The following EIF2A variants were observed in gnomAD, a reference collection of about 807,000 sequenced individuals.
EIF2A encodes eukaryotic translation initiation factor 2A, also known as 65 kDa eukaryotic translation initiation factor 2A.
EIF2A carries 62 observed loss-of-function variants against 75.2 expected under a neutral mutation model. The ratio of observed to expected loss-of-function variants is 0.82; its 90% CI spans 0.67 to 1.02. The LOEUF (loss-of-function observed/expected upper bound fraction) is 1.02. EIF2A is among the 50% of genes least tolerant of loss of function. The probability of loss-of-function intolerance (pLI) is 0.00; values close to 1 mark genes in which losing one functional copy is unlikely to be tolerated. For synonymous variants in EIF2A, 207 were observed against 239.0 expected (o/e 0.87, Z 1.23); for missense variants, 611 against 677.7 (o/e 0.90, Z 1.09).
intron 6 of EIF2A, chr3:150,566,303 C>T (rs979765855): frequency 6.6e-6 from 1 of 152,148 alleles, no homozygotes; most frequent in African/African-American, 2.4e-5. Flanking sequence ...TTTCAGGAAA[C>T]CCTGTCGCCT....
intron 1 of EIF2A, among the ~76,000 whole-genome samples, chr3:150,550,812 A>G (rs556783187): frequency 3.9e-5 from 6 of 152,312 alleles, no homozygotes; most frequent in African/African-American, 1.4e-4. Context: ...GACTACAGGC[A>G]TGTGCCACCG....
At chr3:150,547,861 G>A (rs966449850) in intron 1 of EIF2A, among the ~76,000 whole-genome samples, 1 of 152,040 alleles carries the variant, frequency 6.6e-6, no homozygotes, top group African/African-American at 2.4e-5. Context: ...TAATATACCA[G>A]GCAAAGACTG....
At chr3:150,550,949 C>T (rs1012522989) in intron 1 of EIF2A, among the ~76,000 whole-genome samples, 3 of 152,322 alleles carry the variant, frequency 2.0e-5, no homozygotes, top group African/African-American at 2.4e-5. Flanking sequence ...TGAGCCACCA[C>T]GCCTAGCCTG....
chr3:150,568,190 G>C lies in EIF2A; in HGVS notation c.709G>C (p.Val237Leu). The C allele has an allele frequency of 6.2e-7, 1 of 1,612,598 alleles. No homozygotes were observed. Among genetic ancestry groups the C allele is most frequent in the Non-Finnish European group, 8.5e-7 (1 of 1,179,468 alleles). The change falls in exon 9 of 14, where the codon GTA becomes CTA. Residue 237 changes from valine (V) to leucine (L), a missense_variant. By Grantham distance (32) the Val-to-Leu change is conservative. Coordinates refer to ENST00000460851, the MANE Select transcript of EIF2A (RefSeq NM_032025.5). ...LWNKKATAVL[V>L]IASTDVDKTG... ...TACTGTTATAGCTACTGCTGTGTTG[G>C]TAATAGCTAGCACAGATGTTGACAA...
chr3:150,573,315 C>T (rs1435235395), intron 10 of EIF2A, among the ~76,000 whole-genome samples: 2 of 152,158 alleles, frequency 1.3e-5, no homozygotes, highest in Non-Finnish European at 1.5e-5. Context: ...TGCAGTGGCG[C>T]GATCTCTGCT....
intron 12 of EIF2A, 199 bp from the exon 13 acceptor site, chr3:150,583,001 T>C: frequency 1.9e-6 from 1 of 539,240 alleles, no homozygotes; most frequent in Non-Finnish European, 3.3e-6. Flanking sequence ...AATAATATTT[T>C]GCCAAATCTC....
chr3:150,582,808 T>C (rs149305330), intron 12 of EIF2A, among the ~76,000 whole-genome samples: 137 of 152,162 alleles, frequency 9.0e-4, no homozygotes, highest in African/African-American at 3.0e-3. Flanking sequence ...CATTATGAGG[T>C]TTCTCTTTCA....
At chr3:150,571,366 C>T (rs2107946734) in intron 9 of EIF2A, among the ~76,000 whole-genome samples, 1 of 152,292 alleles carries the variant, frequency 6.6e-6, no homozygotes, top group East Asian at 1.9e-4. Context: ...TCTCAAACTC[C>T]TGACCTCAGG....
chr3:150,581,075 G>C (rs1463393997), intron 11 of EIF2A, among the ~76,000 whole-genome samples: 1 of 152,200 alleles, frequency 6.6e-6, no homozygotes, highest in African/African-American at 2.4e-5. Context: ...AAGTGATTCA[G>C]AATCAGTGAG....
chr3:150,576,429 C>CG, intron 11 of EIF2A, among the ~76,000 whole-genome samples: 1 of 150,364 alleles, frequency 6.7e-6, no homozygotes. Context: ...GACCATGACT[C>CG]GAAAAAAAAA....
intron 10 of EIF2A, among the ~76,000 whole-genome samples, chr3:150,574,862 C>A (rs145741185): frequency 6.6e-6 from 1 of 152,172 alleles, no homozygotes; most frequent in African/African-American, 2.4e-5. Flanking sequence ...GTCTAAGAGA[C>A]AGTTAACATT....
intron 11 of EIF2A, among the ~76,000 whole-genome samples, chr3:150,576,311 C>G (rs1338089200): frequency 6.6e-6 from 1 of 151,808 alleles, no homozygotes; most frequent in African/African-American, 2.4e-5. Flanking sequence ...GCGTGTACCC[C>G]GTAGTCCCAG....
rs200118294 is a variant in EIF2A at position 150,546,862 on chromosome 3, C to T, written c.28+32C>T. 4.3e-6 allele frequency: 7 copies of T among 1,610,146 alleles called. No individual in the cohort carries two copies. The African/African-American group carries it at 6.7e-5, about 15-fold the overall frequency. ...TCTGAAGAAGCGAGGGACTCTCTTT[C>T]TTCAGACTAGTTTCTTATTTTTGTC... On this transcript the variant is annotated intron_variant, in intron 1 of 13. Coordinates refer to ENST00000460851, the MANE Select transcript of EIF2A (RefSeq NM_032025.5).
intron 2 of EIF2A, among the ~76,000 whole-genome samples, chr3:150,556,050 C>T (rs921264095): frequency 6.6e-6 from 1 of 152,044 alleles, no homozygotes; most frequent in Non-Finnish European, 1.5e-5. Context: ...CAGAGCTCCT[C>T]CATGTGCTGC....
intron 6 of EIF2A, chr3:150,565,163 T>A (rs191813519): frequency 3.1e-4 from 141 of 456,066 alleles, no homozygotes; most frequent in African/African-American, 2.7e-3. Flanking sequence ...TAATTTAACA[T>A]GTTCATCTGT....
At chr3:150,564,213 A>G (rs1320486689) in intron 5 of EIF2A, 86 bp from the exon 6 acceptor site, 1 of 993,010 alleles carries the variant, frequency 1.0e-6, no homozygotes. Flanking sequence ...ATGGTAACCA[A>G]TATCATAAAT....
At chr3:150,580,793 A>C (rs1725141388) in intron 11 of EIF2A, among the ~76,000 whole-genome samples, 1 of 152,234 alleles carries the variant, frequency 6.6e-6, no homozygotes, top group Non-Finnish European at 1.5e-5. Context: ...ATACTGTGAC[A>C]GTCGATCTGA....
At chr3:150,568,531 G>A (rs1724322111) in intron 9 of EIF2A, among the ~76,000 whole-genome samples, 1 of 152,172 alleles carries the variant, frequency 6.6e-6, no homozygotes, top group East Asian at 1.9e-4. Context: ...AACTTCCTGA[G>A]TAAGGTAATT....
intron 3 of EIF2A, among the ~76,000 whole-genome samples, chr3:150,559,823 A>G (rs1559876797): frequency 6.6e-6 from 1 of 152,118 alleles, no homozygotes; most frequent in African/African-American, 2.4e-5. Flanking sequence ...ATCATTAATA[A>G]TATAATTATA....
Sources: allele counts gnomAD v4.1 joint callset (sites outside exome capture counted in the v4.1 genomes callset), GRCh38; gene constraint gnomAD v4.1.1; transcripts MANE v1.5; gene names NCBI Gene and HGNC (gene_info 2026-07-23, HGNC 2026-07-21).